Variants in DLG2 observed in about 807,000 individuals in gnomAD.
DLG2 encodes disks large homolog 2.
DLG2 carries 45 observed loss-of-function variants against 132.5 expected under a neutral mutation model. The observed-to-expected ratio is 0.34, with a 90% CI of 0.27 to 0.44. The LOEUF (loss-of-function observed/expected upper bound fraction) is 0.44, where lower values mean the gene tolerates loss of function less well. Among genes scored for constraint, DLG2 ranks in the 20% least tolerant of loss-of-function variants. The pLI, the probability that DLG2 is intolerant of heterozygous loss-of-function variation, is 1.00. For synonymous variants in DLG2, 424 were observed against 419.6 expected (o/e 1.01, Z -0.13); for missense variants, 1,045 against 1,196.9 (o/e 0.87, Z 1.87).
rs1031056433 is a variant in DLG2 at position 83,899,056 on chromosome 11, T to C, written c.1497-24568A>G. Among the ~76,000 whole-genome samples the C allele has an allele frequency of 1.1e-4, 17 of 150,950 alleles. 1 individual carries two copies. The highest frequency in any genetic ancestry group is 4.0e-4 in the African/African-American group (16 of 40,260). On this transcript the variant is annotated intron_variant, in intron 15 of 27. Coordinates refer to ENST00000376104, the MANE Select transcript of DLG2 (RefSeq NM_001142699.3). ...AATTTATACTGTCTGTGGAGTACTT[T>C]TTGCATACAGTGAATGAGGATATTT... is the stretch of plus-strand genomic sequence containing the variant.
intron 3 of DLG2, among the ~76,000 whole-genome samples, chr11:85,526,803 C>G (rs2074789501): frequency 6.6e-6 from 1 of 152,078 alleles, no homozygotes; most frequent in Non-Finnish European, 1.5e-5. Flanking sequence ...ACCTAGAGAC[C>G]TTTGTACTTG....
intron 6 of DLG2, among the ~76,000 whole-genome samples, chr11:84,856,400 C>T (rs1375944236): frequency 6.6e-6 from 1 of 152,096 alleles, no homozygotes; most frequent in South Asian, 2.1e-4. Flanking sequence ...ACCAGCTTCA[C>T]TGGCTTCCTT....
At chr11:84,578,170 G>T (rs1465129007) in intron 6 of DLG2, among the ~76,000 whole-genome samples, 2 of 152,280 alleles carry the variant, frequency 1.3e-5, no homozygotes, top group South Asian at 2.1e-4. Flanking sequence ...CATGGACGGG[G>T]CCCTCATAGA....
At chr11:84,767,271 T>G (rs2068565518) in intron 6 of DLG2, among the ~76,000 whole-genome samples, 1 of 152,066 alleles carries the variant, frequency 6.6e-6, no homozygotes, top group Non-Finnish European at 1.5e-5. Context: ...AAAACTATAT[T>G]GTTTTAAAGA....
intron 8 of DLG2, among the ~76,000 whole-genome samples, chr11:84,245,739 A>G (rs761865693): frequency 3.3e-5 from 5 of 152,214 alleles, no homozygotes; most frequent in Non-Finnish European, 7.3e-5. Flanking sequence ...TCCCTCTGAC[A>G]CTTTGTTTAG....
chr11:85,069,854 G>A lies in DLG2; in HGVS notation c.357+41807C>T, dbSNP rs372064872. On this transcript the variant is annotated intron_variant, in intron 6 of 27. Transcript: ENST00000376104. ...TGCTGCTATAAAGACACGTGCACACGTATGTTTATTGTGGCACTATTCACA... is the reference window on the plus strand; with the variant it reads ...TGCTGCTATAAAGACACGTGCACACATATGTTTATTGTGGCACTATTCACA... Among the ~76,000 whole-genome samples the A allele has an allele frequency of 5.9e-3, 901 of 152,124 alleles. 3 individuals carry two copies. Among genetic ancestry groups the A allele is most frequent in the Non-Finnish European group, 8.8e-3 (598 of 67,988 alleles).
intron 6 of DLG2, among the ~76,000 whole-genome samples, chr11:84,564,750 G>T (rs1190123455): frequency 6.6e-6 from 1 of 152,118 alleles, no homozygotes. Context: ...ATGATTCAGT[G>T]ATTTTCTCAA....
At position 84,569,905 on chromosome 11, in the gene DLG2, T is replaced by A. The variant is rs574958241; in HGVS notation, c.358-35174A>T. 1.6e-4 allele frequency among the ~76,000 whole-genome samples: 24 copies of A among 152,292 alleles called. No homozygotes were observed. In the East Asian group the frequency reaches 4.1e-3, roughly 26 times the overall value. The stretch of plus-strand genomic sequence containing the variant: ...AGAGATAAATGAACATCCACTTTAC[T>A]TAAGCTACCTCTATTTTGATTTCCT... On this transcript the variant is annotated intron_variant, in intron 6 of 27. Coordinates refer to ENST00000376104, the MANE Select transcript of DLG2 (RefSeq NM_001142699.3).
At chr11:83,719,704 T>C (rs572791545) in intron 18 of DLG2, among the ~76,000 whole-genome samples, 5 of 152,286 alleles carry the variant, frequency 3.3e-5, no homozygotes, top group Admixed American at 6.5e-5. Context: ...CAGCCCCCAT[T>C]AGGCCCTACC....
At chr11:83,518,414 T>C (rs191662329) in intron 21 of DLG2, among the ~76,000 whole-genome samples, 2 of 152,304 alleles carry the variant, frequency 1.3e-5, no homozygotes, top group East Asian at 3.9e-4. Context: ...CCAGGTGCCA[T>C]CTGTCACCCC....
intron 6 of DLG2, chr11:84,720,484 T>A: frequency 1.0e-6 from 1 of 985,134 alleles, no homozygotes; most frequent in Non-Finnish European, 1.2e-6. Flanking sequence ...TAGACCGAGC[T>A]GCCGCTTCGA....
intron 19 of DLG2, among the ~76,000 whole-genome samples, chr11:83,614,864 A>T (rs1463393142): frequency 6.6e-6 from 1 of 152,216 alleles, no homozygotes; most frequent in Non-Finnish European, 1.5e-5. Flanking sequence ...CTAGAATCCT[A>T]TCTAATTAGT....
chr11:84,243,637 T>C (rs2097264404), intron 8 of DLG2, among the ~76,000 whole-genome samples: 2 of 152,190 alleles, frequency 1.3e-5, no homozygotes, highest in Admixed American at 1.3e-4. Flanking sequence ...AACTTTAGAT[T>C]CTATTGCTCA....
At chr11:84,773,582 G>C (rs2069815499) in intron 6 of DLG2, among the ~76,000 whole-genome samples, 1 of 152,154 alleles carries the variant, frequency 6.6e-6, no homozygotes, top group Non-Finnish European at 1.5e-5. Context: ...CCACGATCAA[G>C]TAGGTTTTAT....
intron 3 of DLG2, among the ~76,000 whole-genome samples, chr11:85,388,565 G>A (rs1473996963): frequency 6.6e-6 from 1 of 152,058 alleles, no homozygotes; most frequent in Non-Finnish European, 1.5e-5. Context: ...ACTTAAAAAA[G>A]ACACAAGCAA....
At chr11:84,118,173 A>T (rs1182134876) in intron 9 of DLG2, among the ~76,000 whole-genome samples, 1 of 152,128 alleles carries the variant, frequency 6.6e-6, no homozygotes, top group African/African-American at 2.4e-5. Context: ...TATCTTAGTA[A>T]TTCCTCTAAT....
intron 9 of DLG2, among the ~76,000 whole-genome samples, chr11:84,149,589 T>G (rs2095223087): frequency 1.3e-5 from 2 of 152,168 alleles, no homozygotes; most frequent in African/African-American, 4.8e-5. Context: ...TCTGTTTTTG[T>G]GCCAGTACCA....
At chr11:83,468,781 A>C (rs1483246297) in intron 25 of DLG2, among the ~76,000 whole-genome samples, 3 of 152,190 alleles carry the variant, frequency 2.0e-5, no homozygotes, top group Admixed American at 2.0e-4. Context: ...TGCGAGCAAA[A>C]GGCTGGGCAG....
At chr11:84,089,517 GACA>G (rs1180046541) in intron 10 of DLG2, among the ~76,000 whole-genome samples, 16 of 152,098 alleles carry the variant, frequency 1.1e-4, no homozygotes, top group African/African-American at 3.6e-4. Flanking sequence ...ACAGCCAAAG[GACA>G]ACGTTGTTGT....
Sources: gnomAD v4.1 joint callset for allele counts (sites outside exome capture counted in the v4.1 genomes callset) on GRCh38, gnomAD v4.1.1 for gene constraint, MANE v1.5 for transcripts, NCBI Gene and HGNC (gene_info 2026-07-23, HGNC 2026-07-21) for gene names.